The following MYLK4 variants were observed in gnomAD, a reference collection of about 807,000 sequenced individuals.
MYLK4 encodes the protein caMLCK like.
In MYLK4, 46 loss-of-function variants were observed where a neutral mutation model predicts 48.1. The observed-to-expected ratio is 0.96, with a 90% CI of 0.75 to 1.22. MYLK4 has a LOEUF of 1.22. Ranked by LOEUF, MYLK4 falls within the 50% of genes most tolerant of loss-of-function variation. The probability of loss-of-function intolerance (pLI) is 0.00; values close to 1 mark genes in which losing one functional copy is unlikely to be tolerated. For missense variants in MYLK4, 451 were observed against 486.1 expected, an observed-to-expected ratio of 0.93 and a Z score of 0.68; for synonymous variants, 170 against 180.8, an observed-to-expected ratio of 0.94 and a Z score of 0.48.
chr6:2,699,758 T>TTA (rs2113209056), intron 2 of MYLK4, among the ~76,000 whole-genome samples: 1 of 152,322 alleles, frequency 6.6e-6, no homozygotes, highest in African/African-American at 2.4e-5. Flanking sequence ...GAAAGGGTTA[T>TTA]ATGTTCGGAG....
At chr6:2,747,454 T>C (rs1016920368) in intron 2 of MYLK4, among the ~76,000 whole-genome samples, 1 of 152,134 alleles carries the variant, frequency 6.6e-6, no homozygotes, top group Non-Finnish European at 1.5e-5. Context: ...CAAGCAATCC[T>C]CCTGCCTCAG....
the MYLK4 span, chr6:2,766,022 C>T: frequency 5.3e-6 from 7 of 1,325,540 alleles, no homozygotes; most frequent in East Asian, 3.1e-5. Flanking sequence ...CTCCAGCAGC[C>T]CCGGGAGGAA....
upstream of MYLK4, among the ~76,000 whole-genome samples, chr6:2,754,629 G>C (rs1207968208): frequency 2.6e-5 from 4 of 152,206 alleles, no homozygotes; most frequent in Non-Finnish European, 5.9e-5. Context: ...TTGTGCACTT[G>C]AGATGGGTGA....
At chr6:2,753,135 A>T (rs949222160), upstream of MYLK4, among the ~76,000 whole-genome samples, 4 of 152,228 alleles carry the variant, frequency 2.6e-5, no homozygotes, top group African/African-American at 9.6e-5. Flanking sequence ...TTCTCTAAAA[A>T]ATACCAACAT....
At chr6:2,679,943 G>A (rs1761228668) in intron 8 of MYLK4, among the ~76,000 whole-genome samples, 1 of 152,130 alleles carries the variant, frequency 6.6e-6, no homozygotes, top group Admixed American at 6.5e-5. Context: ...ATATGAAAGA[G>A]GGGACAAACT....
intron 2 of MYLK4, among the ~76,000 whole-genome samples, chr6:2,727,785 A>G (rs1712166558): frequency 1.3e-5 from 2 of 152,154 alleles, no homozygotes; most frequent in South Asian, 4.2e-4. Flanking sequence ...CGTTTCTACT[A>G]AAAAGACAAA....
At chr6:2,736,664 C>T (rs972527208) in intron 2 of MYLK4, among the ~76,000 whole-genome samples, 3 of 152,212 alleles carry the variant, frequency 2.0e-5, no homozygotes, top group Non-Finnish European at 4.4e-5. Flanking sequence ...TTCCTGACAT[C>T]CCCAGCTAAT....
the MYLK4 span, among the ~76,000 whole-genome samples, chr6:2,768,509 T>A: frequency 1.3e-5 from 2 of 152,212 alleles, no homozygotes; most frequent in Non-Finnish European, 2.9e-5. Context: ...ATTTATAATA[T>A]TTTTGTTGTT....
intron 2 of MYLK4, among the ~76,000 whole-genome samples, chr6:2,747,595 T>C (rs182339550): frequency 6.6e-5 from 10 of 152,282 alleles, no homozygotes; most frequent in Non-Finnish European, 1.5e-5. Flanking sequence ...CCTCCAGTGA[T>C]TCTCTTGCCC....
the MYLK4 span, among the ~76,000 whole-genome samples, chr6:2,762,882 C>T: frequency 2.0e-5 from 3 of 152,164 alleles, no homozygotes; most frequent in Non-Finnish European, 4.4e-5. Context: ...TGTGGTCTGA[C>T]TGCCTTCAGA....
rs11757503 is a variant in MYLK4, at chr6:2,728,904, G to A, written c.159+20232C>T. On this transcript the variant is annotated intron_variant, in intron 2 of 12. Transcript: ENST00000274643. Reference sequence around the variant, plus strand: ...AGGAAAGAGAGCTGAGAATCTCCACGGTGGATGGCAGATCCTGGCTTTCTG... The same window carrying A: ...AGGAAAGAGAGCTGAGAATCTCCACAGTGGATGGCAGATCCTGGCTTTCTG... 3.0e-3 allele frequency among the ~76,000 whole-genome samples: 458 copies of A among 152,316 alleles called. 3 individuals are homozygous for A. The highest frequency in any genetic ancestry group is 0.01 in the Middle Eastern group (3 of 294).
intron 2 of MYLK4, among the ~76,000 whole-genome samples, chr6:2,703,665 C>CTTTTTTTTTTTTTTTTTTTTTTTTTTTT (rs3055234): frequency 1.1e-5 from 1 of 95,120 alleles, no homozygotes; most frequent in Non-Finnish European, 1.9e-5. Flanking sequence ...TTTGTGAATT[C>CTTTTTTTTTTTTTTTTTTTTTTTTTTTT]TTTTTTTTTT....
chr6:2,692,775 A>T lies in MYLK4; in HGVS notation c.235+9T>A. On this transcript the variant is annotated intron_variant, in intron 3 of 12. Coordinates refer to ENST00000274643, the MANE Select transcript of MYLK4 (RefSeq NM_001012418.5). ...CATCCATAACTATCTACTTTTCTAAAGATGTTACCTGCGAGGGCTGATGTC... is the reference window on the plus strand; with the variant it reads ...CATCCATAACTATCTACTTTTCTAATGATGTTACCTGCGAGGGCTGATGTC... 6.2e-7 allele frequency: 1 copy of T among 1,613,036 alleles called. No homozygotes were observed. Among genetic ancestry groups the T allele is most frequent in the Non-Finnish European group, 8.5e-7 (1 of 1,179,566 alleles).
intron 2 of MYLK4, among the ~76,000 whole-genome samples, chr6:2,732,569 A>C (rs1582110615): frequency 6.6e-6 from 1 of 152,042 alleles, no homozygotes; most frequent in African/African-American, 2.4e-5. Context: ...AGTCAGCCTG[A>C]GTGGATCCTG....
chr6:2,700,642 G>A (rs1237379693), intron 2 of MYLK4, among the ~76,000 whole-genome samples: 1 of 152,054 alleles, frequency 6.6e-6, no homozygotes, highest in African/African-American at 2.4e-5. Flanking sequence ...CAAGGTAAAC[G>A]GCCCTGAGAC....
At chr6:2,670,617 A>G (rs557647865) in intron 12 of MYLK4, among the ~76,000 whole-genome samples, 30 of 152,222 alleles carry the variant, frequency 2.0e-4, no homozygotes, top group African/African-American at 7.0e-4. Context: ...TAGATTATTG[A>G]TATCAAAGAA....
rs562404720 is a variant in MYLK4 at position 2,669,232 on chromosome 6, G to A, written c.*26-1333C>T. Among the ~76,000 whole-genome samples the A allele has an allele frequency of 1.3e-4, 20 of 152,368 alleles. No homozygotes were observed. The East Asian group carries it at 1.7e-3, about 13-fold the overall frequency. On this transcript the variant is annotated intron_variant, in intron 12 of 12. Transcript: ENST00000274643. ...AAGGAAGGCAGCCAGCTCCATGGCT[G>A]TCAGCAGCCCTCCTCAAGCAGTTCC... is the stretch of plus-strand genomic sequence containing the variant.
chr6:2,671,416 A>C, intron 11 of MYLK4, 68 bp from the exon 12 acceptor site: 136 of 1,406,462 alleles, frequency 9.7e-5, no homozygotes, highest in Non-Finnish European at 1.2e-4. Context: ...TTATGAGCTC[A>C]CATGAAAAGA....
chr6:2,765,878 C>A, the MYLK4 span: 3 of 1,448,462 alleles, frequency 2.1e-6, no homozygotes, highest in Non-Finnish European at 2.7e-6. Context: ...GCCAGCCACC[C>A]CGACGGCAGC....
Sources: gnomAD v4.1 joint callset for allele counts (sites outside exome capture counted in the v4.1 genomes callset) on GRCh38, gnomAD v4.1.1 for gene constraint, MANE v1.5 for transcripts, NCBI Gene and HGNC (gene_info 2026-07-23, HGNC 2026-07-21) for gene names.